UBE2QL1: variants seen among roughly 807,000 people sequenced by gnomAD.
UBE2QL1 encodes ubiquitin conjugating enzyme E2 QL1.
Under a neutral mutation model 12.6 loss-of-function variants are expected in UBE2QL1, and 5 were observed. That is an observed-to-expected ratio of 0.40 (90% confidence interval 0.21 to 0.83). The LOEUF (loss-of-function observed/expected upper bound fraction) is 0.83, where lower values mean the gene tolerates loss of function less well. Among genes scored for constraint, UBE2QL1 ranks in the 40% least tolerant of loss-of-function variants. The pLI is 0.37. For synonymous variants in UBE2QL1, 96 were observed against 94.5 expected (o/e 1.02, Z -0.10); for missense variants, 99 against 222.6 (o/e 0.44, Z 3.53).
chr5:6,466,765 T>C (rs2126344243), intron 1 of UBE2QL1, among the ~76,000 whole-genome samples: 1 of 152,348 alleles, frequency 6.6e-6, no homozygotes, highest in Non-Finnish European at 1.5e-5. Flanking sequence ...CCTACATACA[T>C]CATGTGAATT....
intron 1 of UBE2QL1, among the ~76,000 whole-genome samples, chr5:6,488,085 C>T (rs1048838029): frequency 3.3e-5 from 5 of 152,294 alleles, no homozygotes; most frequent in Non-Finnish European, 7.4e-5. Flanking sequence ...ACAGGAGATG[C>T]GATGAGAGCT....
At chr5:6,484,021 G>A (rs947097156) in intron 1 of UBE2QL1, among the ~76,000 whole-genome samples, 6 of 152,218 alleles carry the variant, frequency 3.9e-5, no homozygotes, top group Non-Finnish European at 8.8e-5. Flanking sequence ...GGCTTCTGAG[G>A]TGACTATTTT....
At chr5:6,483,829 C>T (rs7712952) in intron 1 of UBE2QL1, among the ~76,000 whole-genome samples, 45,492 of 151,982 alleles carry the variant, frequency 0.3, 12,191 homozygotes, top group African/African-American at 0.72. Flanking sequence ...GCCATGTGGC[C>T]CCTCGTGCCC....
At chr5:6,463,458 CT>C (rs1220678421) in intron 1 of UBE2QL1, among the ~76,000 whole-genome samples, 5 of 152,026 alleles carry the variant, frequency 3.3e-5, no homozygotes, top group Non-Finnish European at 7.4e-5. Context: ...GGTGGCCTCA[CT>C]TTTCTGCGTG....
intron 1 of UBE2QL1, among the ~76,000 whole-genome samples, chr5:6,452,354 A>C (rs1372961961): frequency 6.6e-6 from 1 of 152,046 alleles, no homozygotes; most frequent in Non-Finnish European, 1.5e-5. Context: ...TTAATATATA[A>C]ATTTCCTCTA....
chr5:6,487,746 C>T (rs1362906832), intron 1 of UBE2QL1, among the ~76,000 whole-genome samples: 4 of 152,242 alleles, frequency 2.6e-5, no homozygotes, highest in African/African-American at 9.6e-5. Flanking sequence ...GGATGTTCGT[C>T]ATGATGTGTG....
intron 1 of UBE2QL1, among the ~76,000 whole-genome samples, chr5:6,475,793 G>A (rs531441997): frequency 6.6e-6 from 1 of 152,170 alleles, no homozygotes; most frequent in East Asian, 2.0e-4. Flanking sequence ...GGTGCTGGAA[G>A]GGAACTGGCC....
Position 6,491,737 on chromosome 5 carries a change from G to A in UBE2QL1, c.*388G>A, listed in dbSNP as rs575464386. 3.1e-5 allele frequency: 5 copies of A among 159,386 alleles called. No homozygotes were observed. The South Asian group carries it at 7.9e-4, about 25-fold the overall frequency. The allele number at this position is 159,386 out of a possible 1,614,324, so 9.9% of individuals were successfully genotyped here. On this transcript the variant is annotated 3_prime_UTR_variant, in exon 2 of 2. Transcript: ENST00000399816. ...CTGGCTCCATTTCCATGTAAATGGC[G>A]CCGTTCATATTTCACAGGGACGCCG...
At chr5:6,473,571 A>G (rs888177743) in intron 1 of UBE2QL1, among the ~76,000 whole-genome samples, 1 of 152,232 alleles carries the variant, frequency 6.6e-6, no homozygotes, top group African/African-American at 2.4e-5. Context: ...TTTGTGGAGC[A>G]TTAACGCTCT....
chr5:6,457,128 T>A (rs1407251605), intron 1 of UBE2QL1, among the ~76,000 whole-genome samples: 1 of 151,940 alleles, frequency 6.6e-6, no homozygotes, highest in Non-Finnish European at 1.5e-5. Context: ...ATGAACCTTA[T>A]GAAATAGAGC....
At chr5:6,452,326 T>C (rs1047839257) in intron 1 of UBE2QL1, among the ~76,000 whole-genome samples, 11 of 152,206 alleles carry the variant, frequency 7.2e-5, no homozygotes, top group Admixed American at 5.2e-4. Context: ...GTCTGAATTC[T>C]GGTTGTCTTA....
intron 1 of UBE2QL1, among the ~76,000 whole-genome samples, chr5:6,453,399 T>C (rs907841477): frequency 6.6e-6 from 1 of 152,216 alleles, no homozygotes; most frequent in Non-Finnish European, 1.5e-5. Flanking sequence ...TGATAATCCT[T>C]TCTATCCACA....
intron 1 of UBE2QL1, among the ~76,000 whole-genome samples, chr5:6,462,891 T>C (rs1198667786): frequency 6.6e-6 from 1 of 152,218 alleles, no homozygotes; most frequent in Non-Finnish European, 1.5e-5. Context: ...TTGTAATTTG[T>C]TTGGTCTTAA....
rs986308084 is a variant in UBE2QL1 at position 6,492,381 on chromosome 5, G to A, written c.*1032G>A. 1 of 152,196 alleles carries A rather than the reference G, an allele frequency of 6.6e-6. No individual in the cohort carries two copies. Among genetic ancestry groups the A allele is most frequent in the Admixed American group, 6.5e-5 (1 of 15,286 alleles). The allele number at this position is 152,196 out of a possible 1,614,324, so 9.4% of individuals were successfully genotyped here. ...TCACTTGTGTGTCCCCCGAAATTGG[G>A]ATGGGTGAGCACCCTTGCTGTGGTG... On this transcript the variant is annotated 3_prime_UTR_variant, in exon 2 of 2. Transcript: ENST00000399816.
intron 1 of UBE2QL1, among the ~76,000 whole-genome samples, chr5:6,490,572 A>G (rs1734548852): frequency 6.6e-6 from 1 of 152,202 alleles, no homozygotes; most frequent in Non-Finnish European, 1.5e-5. Flanking sequence ...TTGGACCTCG[A>G]GGATGGGTCT....
chr5:6,470,824 G>A (rs143791860), intron 1 of UBE2QL1, among the ~76,000 whole-genome samples: 22 of 152,302 alleles, frequency 1.4e-4, no homozygotes, highest in South Asian at 4.1e-4. Context: ...GAAACTCCCA[G>A]AAGTGGGGTA....
Position 6,495,577 on chromosome 5 carries a change from ACACT to A in UBE2QL1, c.*4230_*4233del, listed in dbSNP as rs1165584072. On this transcript the variant is annotated 3_prime_UTR_variant, in exon 2 of 2. Coordinates refer to ENST00000399816, the MANE Select transcript of UBE2QL1 (RefSeq NM_001145161.3). ...AATTCATGTGGCCCTCACCAAACAC[ACACT>A]CTTCACCCCATCATTGAATCAGTAC... is the stretch of plus-strand genomic sequence containing the variant. Among the ~76,000 whole-genome samples, 1 of 152,144 alleles carries A rather than the reference ACACT, an allele frequency of 6.6e-6. No homozygotes were observed. The highest frequency in any genetic ancestry group is 6.5e-5 in the Admixed American group (1 of 15,268).
intron 1 of UBE2QL1, among the ~76,000 whole-genome samples, chr5:6,469,623 T>C (rs1443895918): frequency 6.7e-6 from 1 of 150,248 alleles, no homozygotes. Context: ...AAAATGAAAA[T>C]GTATGTTTAA....
intron 1 of UBE2QL1, among the ~76,000 whole-genome samples, chr5:6,458,607 C>T (rs938120223): frequency 5.3e-5 from 8 of 152,126 alleles, no homozygotes; most frequent in African/African-American, 1.4e-4. Flanking sequence ...TATTGCTTCC[C>T]GTAAGATGTC....
Sources: gnomAD v4.1 joint callset for allele counts (sites outside exome capture counted in the v4.1 genomes callset) on GRCh38, gnomAD v4.1.1 for gene constraint, MANE v1.5 for transcripts, NCBI Gene and HGNC (gene_info 2026-07-23, HGNC 2026-07-21) for gene names.